The following WWC1 variants were observed in gnomAD, a reference collection of about 807,000 sequenced individuals.
WWC1 encodes WW and C2 domain containing 1.
In WWC1, 55 loss-of-function variants were observed where a neutral mutation model predicts 138.4. The ratio of observed to expected loss-of-function variants is 0.40; its 90% CI spans 0.32 to 0.50. The LOEUF is 0.50. Among genes scored for constraint, WWC1 ranks in the 20% least tolerant of loss-of-function variants. The pLI is 0.72. For missense variants in WWC1, 1,226 were observed against 1,420.4 expected (o/e 0.86, Z 2.20); for synonymous variants, 524 against 564.9 (o/e 0.93, Z 1.03).
intron 19 of WWC1, among the ~76,000 whole-genome samples, chr5:168,457,384 G>A (rs114390477): frequency 6.6e-6 from 1 of 152,194 alleles, no homozygotes; most frequent in African/African-American, 2.4e-5. Flanking sequence ...CCCACAAGAT[G>A]AGCATTACCA....
chr5:168,305,311 C>T (rs1770455143), intron 1 of WWC1, among the ~76,000 whole-genome samples: 1 of 152,048 alleles, frequency 6.6e-6, no homozygotes, highest in Non-Finnish European at 1.5e-5. Context: ...CCTTGCTGGC[C>T]ACTCTGAACC....
chr5:168,404,312 C>T (rs77759253), intron 5 of WWC1, among the ~76,000 whole-genome samples: 4,217 of 152,332 alleles, frequency 0.028, 204 homozygotes, highest in African/African-American at 0.096. Flanking sequence ...CTCCTTGCCA[C>T]GGAGCATCTT....
At chr5:168,436,931 A>G (rs1430971237) in intron 15 of WWC1, among the ~76,000 whole-genome samples, 1 of 152,196 alleles carries the variant, frequency 6.6e-6, no homozygotes, top group Non-Finnish European at 1.5e-5. Flanking sequence ...TCTTTTGCTA[A>G]AACCTTATGA....
intron 9 of WWC1, among the ~76,000 whole-genome samples, chr5:168,419,794 G>T (rs915405391): frequency 2.6e-5 from 4 of 152,128 alleles, no homozygotes; most frequent in Non-Finnish European, 5.9e-5. Flanking sequence ...CATTCCAGGG[G>T]CAAAGACACA....
chr5:168,350,978 T>C (rs1774904763), intron 1 of WWC1, among the ~76,000 whole-genome samples: 1 of 152,026 alleles, frequency 6.6e-6, no homozygotes, highest in Non-Finnish European at 1.5e-5. Context: ...AAACCCTGTC[T>C]CTACTAAAAA....
chr5:168,399,449 CCTCTGA>C, intron 4 of WWC1, 33 bp from the exon 5 acceptor site: 1 of 1,610,770 alleles, frequency 6.2e-7, no homozygotes, highest in Non-Finnish European at 8.5e-7. Flanking sequence ...TTGGTGTCAG[CCTCTGA>C]CCCAGCCCTG....
intron 3 of WWC1, among the ~76,000 whole-genome samples, chr5:168,386,404 T>C (rs1428463600): frequency 6.6e-6 from 1 of 151,890 alleles, no homozygotes; most frequent in Non-Finnish European, 1.5e-5. Flanking sequence ...TTTCTTTTTT[T>C]TCTTTTGAGA....
At position 168,464,608 on chromosome 5, in the gene WWC1, A is replaced by G. The variant is rs569935353; in HGVS notation, c.2917-121A>G. 18 of 1,462,496 alleles carry G rather than the reference A, an allele frequency of 1.2e-5. No homozygotes were observed. The South Asian group carries it at 2.6e-4, about 21-fold the overall frequency. 90.6% of individuals were successfully genotyped at this position (1,462,496 alleles called of 1,614,324 possible). On this transcript the variant is annotated intron_variant, in intron 20 of 22. Coordinates refer to ENST00000265293, the MANE Select transcript of WWC1 (RefSeq NM_015238.3). The stretch of plus-strand genomic sequence containing the variant: ...CAAAACAGGCTTCCCAGGGAAGGGC[A>G]AGCCCCATTCGGAAGGAGTGGATGC...
At chr5:168,343,879 C>T (rs1304652272) in intron 1 of WWC1, among the ~76,000 whole-genome samples, 2 of 151,500 alleles carry the variant, frequency 1.3e-5, no homozygotes, top group South Asian at 2.1e-4. Flanking sequence ...TCCTAGTCTT[C>T]AGGGGTTCAG....
chr5:168,305,560 C>T (rs1770478002), intron 1 of WWC1, among the ~76,000 whole-genome samples: 1 of 152,126 alleles, frequency 6.6e-6, no homozygotes, highest in Non-Finnish European at 1.5e-5. Context: ...TCCCCGGGTC[C>T]GGAGTTTTGG....
At position 168,467,856 on chromosome 5, in the gene WWC1, A is replaced by C. The variant is rs1329215351; in HGVS notation, c.3167A>C (p.Glu1056Ala). 3.7e-6 allele frequency: 6 copies of C among 1,614,166 alleles called. No individual in the cohort carries two copies. In the Middle Eastern group the frequency reaches 4.9e-4, roughly 133 times the overall value. The change falls in exon 22 of 23, where the codon GAG becomes GCG. Residue 1056 changes from glutamate to alanine, a missense_variant. Glu to Ala is a moderately radical substitution (Grantham distance 107). This residue lies in a region of WWC1 where 206 missense variants were observed against 247.4 expected (regional missense o/e 0.83). Coordinates refer to ENST00000265293, the MANE Select transcript of WWC1 (RefSeq NM_015238.3). ...MLEKRQMDRA[E>A]HKGELQTDKM... Reference sequence around the variant, plus strand: ...TTTGCCCAGCAGATGGACCGAGCGGAGCACAAGGGTGAGCTTCAGACAGAC... The same window carrying C: ...TTTGCCCAGCAGATGGACCGAGCGGCGCACAAGGGTGAGCTTCAGACAGAC...
At chr5:168,407,647 T>C (rs949910630) in intron 6 of WWC1, among the ~76,000 whole-genome samples, 8 of 152,174 alleles carry the variant, frequency 5.3e-5, no homozygotes, top group Admixed American at 4.6e-4. Context: ...TTAAGCCAGA[T>C]AGACCAGGTC....
Position 168,430,141 on chromosome 5 carries a change from G to A in WWC1, c.2005G>A (p.Asp669Asn). 6.2e-7 allele frequency: 1 copy of A among 1,612,382 alleles called. No homozygotes were observed. The highest frequency in any genetic ancestry group is 8.5e-7 in the Non-Finnish European group (1 of 1,178,488). ...ATRIQIALKY[D>N]EKNKQFAILI... ...ATATGCCCCTTTTCATTTCAGGTAT[G>A]ATGAGAAGAATAAGCAATTTGCAAT... Residue 669 changes from aspartate (D) to asparagine (N), a missense_variant, in exon 14 of 23, where the codon GAT becomes AAT. Coordinates refer to ENST00000265293, the MANE Select transcript of WWC1 (RefSeq NM_015238.3).
chr5:168,409,780 A>T, intron 7 of WWC1, 142 bp from the exon 8 acceptor site: 1 of 794,080 alleles, frequency 1.3e-6, no homozygotes, highest in Non-Finnish European at 2.2e-6. Context: ...CTTCCCTGCG[A>T]TCTGCACCGC....
chr5:168,317,389 C>T (rs56243088), intron 1 of WWC1, among the ~76,000 whole-genome samples: 2,490 of 152,242 alleles, frequency 0.016, 22 homozygotes, highest in Non-Finnish European at 0.025. Context: ...TGGAGGAAGT[C>T]CTGCCTCCTT....
intron 1 of WWC1, among the ~76,000 whole-genome samples, chr5:168,297,121 G>A (rs1004850797): frequency 1.3e-5 from 2 of 152,184 alleles, no homozygotes; most frequent in Non-Finnish European, 2.9e-5. Flanking sequence ...AACCATCAAG[G>A]GTAGTTATGG....
In WWC1 at chr5:168,454,081, A is replaced by T. The variant is rs1330351992; in HGVS notation, c.2639A>T (p.Asp880Val). 1 of 1,612,762 alleles carries T rather than the reference A, an allele frequency of 6.2e-7. No individual in the cohort carries two copies. ...ACCGAGAAAGCCTCACCTGATATGGATGGGTACCCAGCATTAAAGGTAGGA... is the reference window on the plus strand; with the variant it reads ...ACCGAGAAAGCCTCACCTGATATGGTTGGGTACCCAGCATTAAAGGTAGGA... ...VFTEKASPDM[D>V]GYPALKVDKE... The change falls in exon 18 of 23, where the codon GAT becomes GTT. Residue 880 changes from aspartate (D) to valine (V), a missense_variant. This residue lies in a region of WWC1 where 1,016 missense variants were observed against 1,153.9 expected (regional missense o/e 0.88). Transcript: ENST00000265293.
intron 1 of WWC1, among the ~76,000 whole-genome samples, chr5:168,351,161 A>G (rs992674511): frequency 5.3e-5 from 8 of 151,190 alleles, no homozygotes; most frequent in African/African-American, 1.9e-4. Context: ...AAAAAAAAAA[A>G]TCCCAGCTAG....
chr5:168,427,016 T>C (rs1781555678), intron 11 of WWC1, among the ~76,000 whole-genome samples: 2 of 152,200 alleles, frequency 1.3e-5, no homozygotes, highest in African/African-American at 4.8e-5. Flanking sequence ...TCAGAGACTT[T>C]CAAGGGCCCC....
Sources: gnomAD v4.1 joint callset for allele counts (sites outside exome capture counted in the v4.1 genomes callset) on GRCh38, gnomAD v4.1.1 for gene constraint, gnomAD v4.1.1 regional missense constraint, MANE v1.5 for transcripts, NCBI Gene and HGNC (gene_info 2026-07-23, HGNC 2026-07-21) for gene names.